The following DPYD variants were observed in gnomAD, a reference collection of about 807,000 sequenced individuals.
The protein encoded by DPYD is dihydropyrimidine dehydrogenase.
A neutral mutation model predicts 116.2 loss-of-function variants in DPYD; 109 were observed. The observed-to-expected ratio is 0.94, with a 90% CI of 0.80 to 1.10. The LOEUF is 1.10. Ranked by LOEUF, DPYD falls within the 50% of genes least tolerant of loss-of-function variation. The pLI is 0.00. For synonymous variants in DPYD, 440 were observed against 432.0 expected, an observed-to-expected ratio of 1.02 and a Z score of -0.23; for missense variants, 1,302 against 1,254.5, an observed-to-expected ratio of 1.04 and a Z score of -0.57.
intron 2 of DPYD, among the ~76,000 whole-genome samples, chr1:97,853,989 G>T (rs777039441): frequency 1.6e-4 from 25 of 152,078 alleles, no homozygotes; most frequent in Admixed American, 5.2e-4. Context: ...TTAAAATATT[G>T]CTTTGTCTCA....
At chr1:97,156,710 T>A (rs828061) in intron 20 of DPYD, among the ~76,000 whole-genome samples, 4 of 151,546 alleles carry the variant, frequency 2.6e-5, no homozygotes, top group African/African-American at 9.7e-5. Flanking sequence ...TCAGTGTGGC[T>A]ATTCCTCAGG....
At chr1:97,137,228 C>T (rs1653877879) in intron 20 of DPYD, among the ~76,000 whole-genome samples, 1 of 152,198 alleles carries the variant, frequency 6.6e-6, no homozygotes, top group Non-Finnish European at 1.5e-5. Flanking sequence ...CTCAATGATG[C>T]ATGGACCAGC....
chr1:97,852,232 T>C (rs1164572844), intron 2 of DPYD, among the ~76,000 whole-genome samples: 1 of 152,094 alleles, frequency 6.6e-6, no homozygotes, highest in East Asian at 1.9e-4. Context: ...TACTTTCTAT[T>C]TTCTCTTAGG....
Position 97,595,039 on chromosome 1 carries a change from T to A in DPYD, c.958+20A>T. The A allele has an allele frequency of 6.4e-7, 1 of 1,556,602 alleles. No individual in the cohort carries two copies. Among genetic ancestry groups the A allele is most frequent in the Non-Finnish European group, 8.9e-7 (1 of 1,129,698 alleles). ...AAAATAGCATACTCACTATTAAGCATAAAAGACAATATGTTATACCTGCTT... is the reference window on the plus strand; with the variant it reads ...AAAATAGCATACTCACTATTAAGCAAAAAAGACAATATGTTATACCTGCTT... On this transcript the variant is annotated intron_variant, in intron 9 of 22. Transcript: ENST00000370192.
chr1:97,863,398 C>A (rs1409987873), intron 2 of DPYD, among the ~76,000 whole-genome samples: 3 of 151,896 alleles, frequency 2.0e-5, no homozygotes, highest in Admixed American at 6.6e-5. Flanking sequence ...TTTAAACCAA[C>A]AATTCCACTT....
chr1:97,431,661 T>G (rs1675184250), intron 14 of DPYD, among the ~76,000 whole-genome samples: 2 of 152,172 alleles, frequency 1.3e-5, no homozygotes. Context: ...TCAGGGTAAT[T>G]AGGATATCCA....
intron 5 of DPYD, chr1:97,720,779 T>C (rs1662877598): frequency 1.3e-6 from 2 of 1,506,864 alleles, no homozygotes; most frequent in Non-Finnish European, 1.8e-6. Flanking sequence ...AATCTTACTA[T>C]ACCCTTCATA....
chr1:97,640,172 C>A (rs1203712705), intron 8 of DPYD, among the ~76,000 whole-genome samples: 1 of 152,008 alleles, frequency 6.6e-6, no homozygotes, highest in Non-Finnish European at 1.5e-5. Context: ...GGTACAAATT[C>A]TTCGATTTGT....
intron 18 of DPYD, among the ~76,000 whole-genome samples, chr1:97,265,874 C>G (rs1333319210): frequency 6.6e-6 from 1 of 152,064 alleles, no homozygotes; most frequent in African/African-American, 2.4e-5. Context: ...TCTAAGAAAA[C>G]CCCATCACTC....
At chr1:97,831,585 T>G (rs1320708482) in intron 2 of DPYD, among the ~76,000 whole-genome samples, 2 of 152,044 alleles carry the variant, frequency 1.3e-5, no homozygotes, top group African/African-American at 4.8e-5. Context: ...GATAGGAAAG[T>G]TCATAAAAAT....
intron 20 of DPYD, among the ~76,000 whole-genome samples, chr1:97,126,267 C>A (rs1361007031): frequency 6.6e-6 from 1 of 152,110 alleles, no homozygotes; most frequent in Non-Finnish European, 1.5e-5. Flanking sequence ...ATGTATCTGA[C>A]ACTTGTTCCC....
intron 12 of DPYD, among the ~76,000 whole-genome samples, chr1:97,545,170 T>C (rs1650735534): frequency 6.6e-6 from 1 of 152,212 alleles, no homozygotes; most frequent in Non-Finnish European, 1.5e-5. Flanking sequence ...CGTTTTGTCT[T>C]ATAATGAAAA....
chr1:97,644,635 T>C (rs185674532), intron 8 of DPYD, among the ~76,000 whole-genome samples: 30 of 151,394 alleles, frequency 2.0e-4, no homozygotes, highest in African/African-American at 7.0e-4. Flanking sequence ...TTTTTTTGTA[T>C]TTTTAGTAGA....
At chr1:97,843,590 G>C (rs1414505604) in intron 2 of DPYD, among the ~76,000 whole-genome samples, 1 of 152,140 alleles carries the variant, frequency 6.6e-6, no homozygotes, top group Non-Finnish European at 1.5e-5. Flanking sequence ...CTTATTTATA[G>C]CATTCAATCA....
intron 12 of DPYD, among the ~76,000 whole-genome samples, chr1:97,529,462 T>G (rs1216943391): frequency 6.6e-6 from 1 of 152,210 alleles, no homozygotes; most frequent in Admixed American, 6.5e-5. Context: ...GAGAGCAGTA[T>G]TATTACACAC....
rs1368598640 is a variant in DPYD, at chr1:97,400,207, C to T, written c.1906-17746G>A. ...CCTTTTCTGCATCTATTGAGATAAT[C>T]ATGTGGTTTTTGTCATTGGTTCTGT... On this transcript the variant is annotated intron_variant, in intron 14 of 22. Coordinates refer to ENST00000370192, the MANE Select transcript of DPYD (RefSeq NM_000110.4). Among the ~76,000 whole-genome samples the T allele has an allele frequency of 3.3e-5, 5 of 152,112 alleles. No individual in the cohort carries two copies. In the East Asian group the frequency reaches 9.6e-4, roughly 29 times the overall value.
At chr1:97,797,124 A>C (rs1667610797) in intron 3 of DPYD, 1 of 152,180 alleles carries the variant, frequency 6.6e-6, no homozygotes, top group Admixed American at 6.6e-5. Flanking sequence ...TATCTTTAAA[A>C]AAATGCAAGG....
At chr1:97,110,037 C>G (rs1651478780) in intron 20 of DPYD, among the ~76,000 whole-genome samples, 1 of 152,038 alleles carries the variant, frequency 6.6e-6, no homozygotes, top group African/African-American at 2.4e-5. Context: ...CTCCCAACTC[C>G]AAGCCTAGTG....
chr1:97,134,022 T>A (rs1375533111), intron 20 of DPYD, among the ~76,000 whole-genome samples: 4,092 of 10,004 alleles, frequency 0.41, 562 homozygotes, highest in East Asian at 0.54. Context: ...AAAATATATA[T>A]ATATATATAT....
Sources: allele counts gnomAD v4.1 joint callset (sites outside exome capture counted in the v4.1 genomes callset), GRCh38; gene constraint gnomAD v4.1.1; transcripts MANE v1.5; gene names NCBI Gene and HGNC (gene_info 2026-07-23, HGNC 2026-07-21).